The following DISC1 variants were observed in gnomAD, a reference collection of about 807,000 sequenced individuals.
DISC1 encodes disrupted in schizophrenia 1 protein.
A neutral mutation model predicts 84.5 loss-of-function variants in DISC1; 57 were observed. That is an observed-to-expected ratio of 0.67 (90% CI 0.55 to 0.84). DISC1 has a LOEUF of 0.84. Ranked by LOEUF, DISC1 falls within the 40% of genes least tolerant of loss-of-function variation. The pLI, the probability that DISC1 is intolerant of heterozygous loss-of-function variation, is 0.00. For missense variants in DISC1, 1,000 were observed against 1,057.8 expected (o/e 0.95, Z 0.76); for synonymous variants, 411 against 415.2 (o/e 0.99, Z 0.12).
chr1:231,722,107 C>T lies in DISC1; in HGVS notation c.1117+20083C>T, dbSNP rs188430533. On this transcript the variant is annotated intron_variant, in intron 3 of 12. Coordinates refer to ENST00000439617, the MANE Select transcript of DISC1 (RefSeq NM_018662.3). ...GGCGGAGCTTGCAGTGAGCCAAGAT[C>T]GCGCCACTGCACTCCAGCCTGGCGA... Among the ~76,000 whole-genome samples the T allele has an allele frequency of 1.7e-3, 244 of 146,780 alleles. 4 individuals are homozygous for T. The highest frequency in any genetic ancestry group is 5.3e-3 in the African/African-American group (210 of 39,510).
At chr1:231,635,907 G>T (rs947921172) in intron 1 of DISC1, among the ~76,000 whole-genome samples, 3 of 152,280 alleles carry the variant, frequency 2.0e-5, no homozygotes, top group Admixed American at 2.0e-4. Context: ...GGAAAAAAGA[G>T]AATTCATTCT....
chr1:232,004,652 C>T (rs1667110016), intron 10 of DISC1, among the ~76,000 whole-genome samples: 1 of 152,134 alleles, frequency 6.6e-6, no homozygotes, highest in Non-Finnish European at 1.5e-5. Flanking sequence ...AGATAATTCA[C>T]AGAATAGTGG....
Position 231,967,071 on chromosome 1 carries a change from T to A in DISC1, c.2042+8183T>A, listed in dbSNP as rs202047961. ...TACAAAGATGATCCAGTTCTCTTTT[T>A]AAAAACTAATGTTTACTTTTTAATT... On this transcript the variant is annotated intron_variant, in intron 10 of 12. Coordinates refer to ENST00000439617, the MANE Select transcript of DISC1 (RefSeq NM_018662.3). Among the ~76,000 whole-genome samples the A allele has an allele frequency of 9.9e-3, 1,509 of 152,376 alleles. 19 individuals carry two copies. Among genetic ancestry groups the A allele is most frequent in the Middle Eastern group, 0.017 (5 of 294 alleles).
Position 231,661,174 on chromosome 1 carries a change from C to T in DISC1, c.68-32652C>T, listed in dbSNP as rs575067211. Among the ~76,000 whole-genome samples, 12 of 147,038 alleles carry T rather than the reference C, an allele frequency of 8.2e-5. No homozygotes were observed. In the East Asian group the frequency reaches 2.4e-3, roughly 29 times the overall value. On this transcript the variant is annotated intron_variant, in intron 1 of 12. Coordinates refer to ENST00000439617, the MANE Select transcript of DISC1 (RefSeq NM_018662.3). ...GGCCTTTCTTTCTGGCTGCCCTTCA[C>T]TTTTTTTTTTTCATTTCGACCTGGA... is the stretch of plus-strand genomic sequence containing the variant.
intron 9 of DISC1, among the ~76,000 whole-genome samples, chr1:231,875,313 C>G (rs898682203): frequency 5.3e-5 from 8 of 151,798 alleles, no homozygotes; most frequent in African/African-American, 1.5e-4. Context: ...CACCTGTCAG[C>G]TGAGTAAGGG....
At chr1:231,805,762 A>T (rs745401189) in intron 8 of DISC1, among the ~76,000 whole-genome samples, 45 of 152,190 alleles carry the variant, frequency 3.0e-4, no homozygotes, top group Non-Finnish European at 3.4e-4. Flanking sequence ...ACATTGCAAC[A>T]TGAGACTTGG....
intron 9 of DISC1, among the ~76,000 whole-genome samples, chr1:231,877,161 G>A (rs1438286398): frequency 6.6e-6 from 1 of 152,226 alleles, no homozygotes; most frequent in Non-Finnish European, 1.5e-5. Flanking sequence ...TTCTTATCAA[G>A]AGCTCTGTGA....
intron 3 of DISC1, among the ~76,000 whole-genome samples, chr1:231,728,166 T>C (rs536580403): frequency 7.2e-5 from 11 of 152,316 alleles, no homozygotes; most frequent in African/African-American, 2.4e-4. Flanking sequence ...ATCATTTTAT[T>C]CCTCTTTAGA....
intron 11 of DISC1, among the ~76,000 whole-genome samples, chr1:232,021,408 C>G (rs1668951439): frequency 6.6e-6 from 1 of 151,842 alleles, no homozygotes; most frequent in Non-Finnish European, 1.5e-5. Flanking sequence ...TGTTCAATAA[C>G]TTACACATTG....
intron 9 of DISC1, among the ~76,000 whole-genome samples, chr1:231,936,360 C>G (rs531154247): frequency 5.9e-5 from 9 of 152,316 alleles, no homozygotes; most frequent in African/African-American, 2.2e-4. Context: ...TCTGCTGCCC[C>G]TGCTCTAGGC....
intron 12 of DISC1, among the ~76,000 whole-genome samples, chr1:232,033,714 A>ATC (rs1670264541): frequency 6.6e-6 from 1 of 151,850 alleles, no homozygotes; most frequent in Non-Finnish European, 1.5e-5. Context: ...AAGAAAGAGG[A>ATC]TCTCTCTCTG....
intron 1 of DISC1, among the ~76,000 whole-genome samples, chr1:231,682,656 T>A (rs1345563408): frequency 6.6e-6 from 1 of 152,264 alleles, no homozygotes; most frequent in African/African-American, 2.4e-5. Context: ...ATGTTTTTTT[T>A]AGATAAACTT....
intron 10 of DISC1, among the ~76,000 whole-genome samples, chr1:231,973,644 T>C (rs905516017): frequency 3.9e-5 from 6 of 152,258 alleles, no homozygotes; most frequent in Admixed American, 2.6e-4. Flanking sequence ...AGTCCTGCAT[T>C]CAGATCTGTA....
intron 8 of DISC1, among the ~76,000 whole-genome samples, chr1:231,803,911 C>T (rs1169278625): frequency 7.5e-6 from 1 of 132,972 alleles, no homozygotes; most frequent in South Asian, 2.5e-4. Context: ...CGCGCCACTA[C>T]ACTCCAGCCT....
At position 231,864,490 on chromosome 1, in the gene DISC1, C is replaced by T. The variant is rs559918841; in HGVS notation, c.1981+45973C>T. On this transcript the variant is annotated intron_variant, in intron 9 of 12. Coordinates refer to ENST00000439617, the MANE Select transcript of DISC1 (RefSeq NM_018662.3). ...CATCCTGGCTAACACAGTGAAACCC[C>T]GTCTCTATTAAAAATACAAAAAATT... Among the ~76,000 whole-genome samples the T allele has an allele frequency of 8.7e-4, 132 of 152,078 alleles. 2 individuals carry two copies. Among genetic ancestry groups the T allele is most frequent in the African/African-American group, 3.1e-3 (128 of 41,472 alleles).
At chr1:231,732,116 GTCATGAGGACTC>G (rs1419109791) in intron 3 of DISC1, among the ~76,000 whole-genome samples, 9 of 152,198 alleles carry the variant, frequency 5.9e-5, no homozygotes, top group Non-Finnish European at 8.8e-5. Context: ...GCCCTCCACT[GTCATGAGGACTC>G]TCCAAGGTTG....
rs143027614 is a variant in DISC1, at chr1:231,761,850, C to T, written c.1269-5290C>T. 9.0e-4 allele frequency among the ~76,000 whole-genome samples: 137 copies of T among 152,274 alleles called. 1 individual carries two copies. The highest frequency in any genetic ancestry group is 1.5e-3 in the Non-Finnish European group (103 of 68,040). ...AATCATTCTATAAATATTTGCCAAGCCCCTACTAAGTGCTGGGCACTGGGG... is the reference window on the plus strand; with the variant it reads ...AATCATTCTATAAATATTTGCCAAGTCCCTACTAAGTGCTGGGCACTGGGG... On this transcript the variant is annotated intron_variant, in intron 4 of 12. Coordinates refer to ENST00000439617, the MANE Select transcript of DISC1 (RefSeq NM_018662.3).
intron 7 of DISC1, among the ~76,000 whole-genome samples, chr1:231,795,913 A>T (rs537956403): frequency 2.6e-5 from 4 of 152,232 alleles, no homozygotes; most frequent in South Asian, 2.1e-4. Context: ...TGCTTTCAGG[A>T]TGGTAGTAAT....
chr1:231,947,612 CT>C (rs1657485366), intron 9 of DISC1, among the ~76,000 whole-genome samples: 1 of 152,190 alleles, frequency 6.6e-6, no homozygotes. Context: ...CAAATGGGAT[CT>C]AATTAAACTA....
Sources: gnomAD v4.1 joint callset for allele counts (sites outside exome capture counted in the v4.1 genomes callset) on GRCh38, gnomAD v4.1.1 for gene constraint, MANE v1.5 for transcripts, NCBI Gene and HGNC (gene_info 2026-07-23, HGNC 2026-07-21) for gene names.